PDE4D: variants seen among roughly 807,000 people sequenced by gnomAD.
PDE4D encodes the protein phosphodiesterase 4D.
In PDE4D, 24 loss-of-function variants were observed where a neutral mutation model predicts 87.4. The ratio of observed to expected loss-of-function variants is 0.27; its 90% CI spans 0.20 to 0.39. The LOEUF is 0.39. Among genes scored for constraint, PDE4D ranks in the 10% least tolerant of loss-of-function variants. The pLI is 1.00. For missense variants in PDE4D, 714 were observed against 1,041.0 expected (o/e 0.69, Z 4.32); for synonymous variants, 384 against 383.2 (o/e 1.00, Z -0.02).
At chr5:59,594,543 C>T (rs2153704343) in intron 1 of PDE4D, among the ~76,000 whole-genome samples, 1 of 152,008 alleles carries the variant, frequency 6.6e-6, no homozygotes, top group East Asian at 1.9e-4. Flanking sequence ...CTGGTCTCAA[C>T]CTCCTGACCT....
chr5:59,860,358 CTTAA>C (rs1746073201), intron 1 of PDE4D, among the ~76,000 whole-genome samples: 1 of 152,172 alleles, frequency 6.6e-6, no homozygotes, highest in African/African-American at 2.4e-5. Context: ...GCACTTTCTT[CTTAA>C]TTGAGGAATT....
chr5:59,736,484 G>A (rs1339479485), intron 1 of PDE4D, among the ~76,000 whole-genome samples: 1 of 152,018 alleles, frequency 6.6e-6, no homozygotes, highest in Non-Finnish European at 1.5e-5. Flanking sequence ...TTTGAGACCA[G>A]CCTGACCAAC....
chr5:60,405,055 A>C (rs540856722), intron 1 of PDE4D, among the ~76,000 whole-genome samples: 1 of 152,328 alleles, frequency 6.6e-6, no homozygotes, highest in East Asian at 1.9e-4. Flanking sequence ...CTTTCAACTA[A>C]ATTTGGCTGA....
chr5:59,282,753 GAA>G (rs1408814657), intron 1 of PDE4D, among the ~76,000 whole-genome samples: 1 of 150,346 alleles, frequency 6.7e-6, no homozygotes, highest in Non-Finnish European at 1.5e-5. Flanking sequence ...GGGAAATGTT[GAA>G]AATTGTTTTA....
At chr5:60,103,006 A>C (rs1418868547) in intron 2 of PDE4D, among the ~76,000 whole-genome samples, 3 of 152,048 alleles carry the variant, frequency 2.0e-5, no homozygotes, top group African/African-American at 7.2e-5. Context: ...AACAGAAAAA[A>C]CACCCAGAAA....
intron 1 of PDE4D, among the ~76,000 whole-genome samples, chr5:59,568,888 G>A (rs1821373666): frequency 6.6e-6 from 1 of 151,880 alleles, no homozygotes; most frequent in African/African-American, 2.4e-5. Flanking sequence ...GAATGAATAG[G>A]GACTTTAAAT....
At chr5:59,302,167 A>G (rs1437873548) in intron 1 of PDE4D, among the ~76,000 whole-genome samples, 1 of 152,164 alleles carries the variant, frequency 6.6e-6, no homozygotes, top group Non-Finnish European at 1.5e-5. Flanking sequence ...GACAGATATT[A>G]GCAAGTTACT....
chr5:59,111,170 G>A (rs966101349), intron 5 of PDE4D, among the ~76,000 whole-genome samples: 4 of 152,160 alleles, frequency 2.6e-5, no homozygotes, highest in Non-Finnish European at 5.9e-5. Flanking sequence ...GAACTTCAAT[G>A]TTTTCTCCCT....
At chr5:59,130,362 G>A (rs777973566) in intron 5 of PDE4D, among the ~76,000 whole-genome samples, 29 of 152,136 alleles carry the variant, frequency 1.9e-4, no homozygotes, top group African/African-American at 1.4e-4. Context: ...CAAAGGTTTC[G>A]GAAAGCCTCA....
upstream of PDE4D, chr5:59,893,791 G>A: frequency 1.5e-6 from 2 of 1,333,180 alleles, no homozygotes; most frequent in East Asian, 3.2e-5. Context: ...GCTACCGAGA[G>A]GGGGCCCTGC....
At chr5:60,347,147 T>C (rs1758807667) in intron 1 of PDE4D, among the ~76,000 whole-genome samples, 1 of 152,052 alleles carries the variant, frequency 6.6e-6, no homozygotes, top group Admixed American at 6.6e-5. Context: ...ACAGGGTAGG[T>C]CCTTCTGAGG....
chr5:59,945,907 G>A (rs2916867), intron 3 of PDE4D, among the ~76,000 whole-genome samples: 111,250 of 152,084 alleles, frequency 0.73, 40,979 homozygotes, highest in East Asian at 0.96. Flanking sequence ...TGCTCCTGTT[G>A]ATTTTAGGGC....
At chr5:60,282,205 A>AT (rs1466937455) in intron 1 of PDE4D, among the ~76,000 whole-genome samples, 9 of 95,238 alleles carry the variant, frequency 9.5e-5, no homozygotes, top group African/African-American at 3.6e-4. Context: ...AGAGAGAAAT[A>AT]AACATATATA....
intron 1 of PDE4D, among the ~76,000 whole-genome samples, chr5:59,539,039 A>G (rs1815801114): frequency 6.6e-6 from 1 of 152,178 alleles, no homozygotes; most frequent in Non-Finnish European, 1.5e-5. Flanking sequence ...GACTGCTTGC[A>G]TAACATCCTA....
At chr5:59,059,769 T>G (rs1326149240) in intron 5 of PDE4D, among the ~76,000 whole-genome samples, 1 of 152,194 alleles carries the variant, frequency 6.6e-6, no homozygotes, top group Non-Finnish European at 1.5e-5. Context: ...TAAGTTCATA[T>G]GGTAAAGATT....
At chr5:59,166,091 C>A (rs1283527950) in intron 5 of PDE4D, among the ~76,000 whole-genome samples, 1 of 152,100 alleles carries the variant, frequency 6.6e-6, no homozygotes, top group Non-Finnish European at 1.5e-5. Context: ...AAGAATTTTG[C>A]ATTAATGAGC....
Position 60,476,504 on chromosome 5 carries a change from C to T in PDE4D, c.-90+11438G>A, listed in dbSNP as rs149369352. Among the ~76,000 whole-genome samples, 185 of 152,298 alleles carry T rather than the reference C, an allele frequency of 1.2e-3. 1 individual carries two copies. Among genetic ancestry groups the T allele is most frequent in the African/African-American group, 4.4e-3 (182 of 41,562 alleles). ...CCCCACGCAGCAGCCAGAATCAGACCATGTCTCTCCCCTGCCCCAAATCCA... is the reference window on the plus strand; with the variant it reads ...CCCCACGCAGCAGCCAGAATCAGACTATGTCTCTCCCCTGCCCCAAATCCA... On this transcript the variant is annotated intron_variant, in intron 1 of 16. Coordinates refer to the PDE4D transcript ENST00000502484.
chr5:60,019,829 T>C (rs1298693788), intron 2 of PDE4D, among the ~76,000 whole-genome samples: 1 of 152,032 alleles, frequency 6.6e-6, no homozygotes, highest in East Asian at 1.9e-4. Context: ...TTCACTGGAG[T>C]GGTATTTTTC....
At chr5:60,278,409 A>G (rs1408655193) in intron 1 of PDE4D, among the ~76,000 whole-genome samples, 1 of 152,024 alleles carries the variant, frequency 6.6e-6, no homozygotes, top group East Asian at 1.9e-4. Flanking sequence ...TATCCTGTTT[A>G]TGGTTCACTC....
Sources: gnomAD v4.1 joint callset for allele counts (sites outside exome capture counted in the v4.1 genomes callset) on GRCh38, gnomAD v4.1.1 for gene constraint, MANE v1.5 for transcripts, NCBI Gene and HGNC (gene_info 2026-07-23, HGNC 2026-07-21) for gene names.